The following THADA variants were observed in gnomAD, a reference collection of about 807,000 sequenced individuals.
The protein encoded by THADA is tRNA (32-2'-O)-methyltransferase regulator THADA.
Under a neutral mutation model 219.8 loss-of-function variants are expected in THADA, and 213 were observed. The observed-to-expected ratio is 0.97, with a 90% CI of 0.87 to 1.09. The LOEUF is 1.09. Among genes scored for constraint, THADA ranks in the 50% least tolerant of loss-of-function variants. The pLI is 0.00. For missense variants in THADA, 2,956 were observed against 2,311.3 expected (o/e 1.28, Z -5.72); for synonymous variants, 1,018 against 828.9 (o/e 1.23, Z -3.92).
intron 26 of THADA, among the ~76,000 whole-genome samples, chr2:43,452,135 C>T (rs1682426535): frequency 6.6e-6 from 1 of 152,022 alleles, no homozygotes; most frequent in South Asian, 2.1e-4. Flanking sequence ...AAGAAATTGC[C>T]CAACAATTCC....
Position 43,291,692 on chromosome 2 carries a change from T to A in THADA, c.5010+4A>T. ...TCCCGGAACAAGATCAGAACCAGCC[T>A]TACCTCCACACATGTCTGCATGTGG... On this transcript the variant is annotated splice_donor_region_variant and intron_variant, in intron 34 of 37. Transcript: ENST00000405975. The A allele has an allele frequency of 6.5e-7, 1 of 1,546,434 alleles. No individual in the cohort carries two copies.
At chr2:43,297,158 C>T (rs1409430622) in intron 31 of THADA, among the ~76,000 whole-genome samples, 2 of 92,232 alleles carry the variant, frequency 2.2e-5, no homozygotes, top group East Asian at 2.8e-4. Flanking sequence ...GGCCGCCCAT[C>T]GTCTGAGATG....
At chr2:43,495,495 T>A (rs1229995171) in intron 25 of THADA, among the ~76,000 whole-genome samples, 1 of 152,146 alleles carries the variant, frequency 6.6e-6, no homozygotes, top group Non-Finnish European at 1.5e-5. Context: ...AGAAAATGAA[T>A]CAGAATGCTC....
At chr2:43,265,103 C>A (rs142607114) in intron 36 of THADA, among the ~76,000 whole-genome samples, 1 of 152,156 alleles carries the variant, frequency 6.6e-6, no homozygotes, top group Non-Finnish European at 1.5e-5. Flanking sequence ...TTCTCAGAGT[C>A]GAATTTAAAA....
At chr2:43,466,108 C>T (rs1684199672) in intron 26 of THADA, among the ~76,000 whole-genome samples, 1 of 152,224 alleles carries the variant, frequency 6.6e-6, no homozygotes, top group African/African-American at 2.4e-5. Context: ...TCATGCTCCT[C>T]TCTTCTCACC....
At chr2:43,569,579 T>C (rs1487898603) in intron 14 of THADA, among the ~76,000 whole-genome samples, 3 of 152,220 alleles carry the variant, frequency 2.0e-5, no homozygotes, top group African/African-American at 7.2e-5. Flanking sequence ...ATATAAATAC[T>C]CTTTGTTTGA....
intron 29 of THADA, among the ~76,000 whole-genome samples, chr2:43,371,681 C>G (rs2104623682): frequency 6.6e-6 from 1 of 152,294 alleles, no homozygotes; most frequent in South Asian, 2.1e-4. Flanking sequence ...CTGAATGCAT[C>G]AACTCCTTGG....
chr2:43,434,471 G>A (rs1287754390), intron 26 of THADA, among the ~76,000 whole-genome samples: 1 of 152,122 alleles, frequency 6.6e-6, no homozygotes, highest in Non-Finnish European at 1.5e-5. Context: ...CCCCCAACCT[G>A]TACCTATAAA....
At chr2:43,404,114 CCTTTTACTCTTGTA>C (rs994601689) in intron 28 of THADA, among the ~76,000 whole-genome samples, 4 of 152,138 alleles carry the variant, frequency 2.6e-5, no homozygotes, top group Non-Finnish European at 4.4e-5. Context: ...AGAGTAATGT[CCTTTTACTCTTGTA>C]CTTTTACTCC....
chr2:43,399,358 G>A (rs1054314416), intron 28 of THADA, among the ~76,000 whole-genome samples: 6 of 152,180 alleles, frequency 3.9e-5, no homozygotes, highest in African/African-American at 1.2e-4. Flanking sequence ...AGGCCATTAG[G>A]GCTACATGGC....
chr2:43,374,187 C>A (rs1671117912), intron 29 of THADA, among the ~76,000 whole-genome samples: 2 of 152,142 alleles, frequency 1.3e-5, no homozygotes, highest in South Asian at 4.1e-4. Context: ...TCAGCCCAAT[C>A]AAAAACATGT....
intron 26 of THADA, chr2:43,484,447 C>G (rs1032190892): frequency 5.9e-6 from 1 of 169,102 alleles, no homozygotes; most frequent in African/African-American, 2.4e-5. Flanking sequence ...CTGGGCCAAA[C>G]TGGATCCTAA....
At chr2:43,502,774 A>G (rs1689167353) in intron 24 of THADA, among the ~76,000 whole-genome samples, 1 of 151,936 alleles carries the variant, frequency 6.6e-6, no homozygotes, top group Non-Finnish European at 1.5e-5. Context: ...GTAAAAAGAG[A>G]AAACATAGTT....
intron 15 of THADA, among the ~76,000 whole-genome samples, chr2:43,561,153 G>C (rs1698026566): frequency 6.6e-6 from 1 of 152,082 alleles, no homozygotes; most frequent in Non-Finnish European, 1.5e-5. Flanking sequence ...GCCCTTCAGG[G>C]AAAAGCTCAA....
At chr2:43,297,219 T>A (rs1675537034) in intron 31 of THADA, among the ~76,000 whole-genome samples, 1 of 102,968 alleles carries the variant, frequency 9.7e-6, no homozygotes. Flanking sequence ...GGAGCGCCTC[T>A]GCCCGGCCGA....
At chr2:43,514,550 CAATAT>C (rs1690944692) in intron 22 of THADA, among the ~76,000 whole-genome samples, 1 of 106,982 alleles carries the variant, frequency 9.3e-6, no homozygotes. Context: ...ATTTTATACA[CAATAT>C]AAATAATATA....
chr2:43,386,675 C>T (rs1404315574), intron 29 of THADA, among the ~76,000 whole-genome samples: 1 of 152,040 alleles, frequency 6.6e-6, no homozygotes, highest in East Asian at 1.9e-4. Flanking sequence ...GGGTAGATTA[C>T]CTGAGGTTGG....
At chr2:43,267,281 G>A (rs1572843254) in intron 36 of THADA, among the ~76,000 whole-genome samples, 1 of 152,198 alleles carries the variant, frequency 6.6e-6, no homozygotes, top group Non-Finnish European at 1.5e-5. Flanking sequence ...TTGATTTTAG[G>A]TGGCCTACCA....
chr2:43,502,841 T>C (rs1351718837), intron 24 of THADA, among the ~76,000 whole-genome samples: 1 of 151,970 alleles, frequency 6.6e-6, no homozygotes, highest in Non-Finnish European at 1.5e-5. Flanking sequence ...CAAGAAAATA[T>C]TTTTGAAACA....
Sources: gnomAD v4.1 joint callset for allele counts (sites outside exome capture counted in the v4.1 genomes callset) on GRCh38, gnomAD v4.1.1 for gene constraint, MANE v1.5 for transcripts, NCBI Gene and HGNC (gene_info 2026-07-23, HGNC 2026-07-21) for gene names.